CPA6: variants seen among roughly 807,000 people sequenced by gnomAD.
The protein encoded by CPA6 is carboxypeptidase B.
Under a neutral mutation model 63.3 loss-of-function variants are expected in CPA6, and 58 were observed. That is an observed-to-expected ratio of 0.92 (90% CI 0.74 to 1.14). The LOEUF (loss-of-function observed/expected upper bound fraction) is 1.14. CPA6 is among the 50% of genes most tolerant of loss of function. CPA6 has a pLI of 0.00. For synonymous variants in CPA6, 185 were observed against 179.0 expected, an observed-to-expected ratio of 1.03 and a Z score of -0.27; for missense variants, 565 against 526.6, an observed-to-expected ratio of 1.07 and a Z score of -0.71.
chr8:67,614,772 G>C (rs991838850), intron 2 of CPA6, among the ~76,000 whole-genome samples: 3 of 152,148 alleles, frequency 2.0e-5, no homozygotes, highest in Non-Finnish European at 4.4e-5. Context: ...CATGCCTCCA[G>C]GAAGATGGTG....
At chr8:67,678,716 C>T (rs879665290) in intron 1 of CPA6, among the ~76,000 whole-genome samples, 6 of 152,130 alleles carry the variant, frequency 3.9e-5, no homozygotes, top group South Asian at 2.1e-4. Flanking sequence ...GGTAACACCT[C>T]GTAGAGCTAC....
chr8:67,718,328 T>A (rs767134590), intron 1 of CPA6, among the ~76,000 whole-genome samples: 55 of 152,156 alleles, frequency 3.6e-4, no homozygotes, highest in Non-Finnish European at 6.3e-4. Context: ...TTAAGAAAAT[T>A]ATAGCCAGAG....
chr8:67,434,155 G>A lies in CPA6; in HGVS notation c.924C>T (p.Asn308=), dbSNP rs372446556. Residue 308 remains asparagine (N), a synonymous_variant, in exon 9 of 11, where the codon AAC becomes AAT. Coordinates refer to ENST00000297770, the MANE Select transcript of CPA6 (RefSeq NM_020361.5). ...ESEPEVKAVA[N]FLRKHRKHIR... ...TGTGCTTTCTGTGTTTTCGAAGGAA[G>A]TTAGCTACAGCCTTCACTTCCGGCT... 7.4e-6 allele frequency: 12 copies of A among 1,614,050 alleles called. No individual in the cohort carries two copies. The African/African-American group carries it at 1.1e-4, about 14-fold the overall frequency.
At chr8:67,640,841 T>A (rs1348912864) in intron 1 of CPA6, among the ~76,000 whole-genome samples, 1 of 151,442 alleles carries the variant, frequency 6.6e-6, no homozygotes, top group Non-Finnish European at 1.5e-5. Context: ...CTGGCCAACC[T>A]CAAACGAGTG....
chr8:67,426,665 G>A (rs983957381), intron 10 of CPA6, among the ~76,000 whole-genome samples: 12 of 152,166 alleles, frequency 7.9e-5, no homozygotes, highest in Non-Finnish European at 1.5e-4. Flanking sequence ...ATGATAGGTA[G>A]ATTAAAGAAG....
chr8:67,580,406 C>A (rs906448474), intron 2 of CPA6, among the ~76,000 whole-genome samples: 4 of 152,164 alleles, frequency 2.6e-5, no homozygotes, highest in Non-Finnish European at 4.4e-5. Context: ...TCAGTAACCT[C>A]ATGAAAAGAA....
chr8:67,544,935 T>G (rs1054918076), intron 2 of CPA6, among the ~76,000 whole-genome samples: 47 of 152,260 alleles, frequency 3.1e-4, no homozygotes, highest in South Asian at 8.3e-4. Context: ...TCCATTTTTT[T>G]GGGGGGCCAT....
At chr8:67,551,730 C>G (rs758098865) in intron 2 of CPA6, among the ~76,000 whole-genome samples, 2 of 152,240 alleles carry the variant, frequency 1.3e-5, no homozygotes, top group South Asian at 4.2e-4. Context: ...TTGCACAGAA[C>G]TTTCACCTCC....
intron 1 of CPA6, among the ~76,000 whole-genome samples, chr8:67,690,610 T>C (rs1013871164): frequency 6.6e-6 from 1 of 152,072 alleles, no homozygotes; most frequent in African/African-American, 2.4e-5. Flanking sequence ...TGAAAAGCAA[T>C]ATAAACAGCT....
intron 3 of CPA6, among the ~76,000 whole-genome samples, chr8:67,514,979 CCTT>C (rs1343689683): frequency 1.3e-5 from 2 of 152,152 alleles, no homozygotes. Context: ...CTGTAGATAT[CCTT>C]CTGGCAGGGC....
chr8:67,630,637 C>A (rs1815303274), intron 1 of CPA6, among the ~76,000 whole-genome samples: 1 of 152,346 alleles, frequency 6.6e-6, no homozygotes, highest in Non-Finnish European at 1.5e-5. Context: ...CTTGGGGAAC[C>A]CTTGAGCCCG....
At chr8:67,694,753 G>A (rs988970063) in intron 1 of CPA6, among the ~76,000 whole-genome samples, 3 of 152,222 alleles carry the variant, frequency 2.0e-5, no homozygotes, top group Non-Finnish European at 4.4e-5. Context: ...AAAGTGGACA[G>A]CTGCAGCGCT....
At chr8:67,553,787 A>G (rs925228905) in intron 2 of CPA6, among the ~76,000 whole-genome samples, 4 of 152,234 alleles carry the variant, frequency 2.6e-5, no homozygotes, top group African/African-American at 9.6e-5. Context: ...AATAAACAAC[A>G]TGAATGACTT....
chr8:67,491,568 T>C (rs1415703821), intron 6 of CPA6, among the ~76,000 whole-genome samples: 2 of 152,122 alleles, frequency 1.3e-5, no homozygotes, highest in African/African-American at 4.8e-5. Context: ...TAGATACATG[T>C]CTATTCTTTT....
chr8:67,588,911 G>T (rs1048474623), intron 2 of CPA6, among the ~76,000 whole-genome samples: 1 of 152,084 alleles, frequency 6.6e-6, no homozygotes, highest in Non-Finnish European at 1.5e-5. Flanking sequence ...GAGTCCAGGG[G>T]TTTGAGACCA....
At chr8:67,731,138 A>G (rs1437034326) in intron 1 of CPA6, among the ~76,000 whole-genome samples, 1 of 152,198 alleles carries the variant, frequency 6.6e-6, no homozygotes, top group African/African-American at 2.4e-5. Context: ...TTTCTTATTA[A>G]GATTCCTTTC....
At chr8:67,424,061 C>A (rs1809830645) in intron 10 of CPA6, among the ~76,000 whole-genome samples, 1 of 152,172 alleles carries the variant, frequency 6.6e-6, no homozygotes, top group Admixed American at 6.5e-5. Context: ...TCATGGACAG[C>A]ACATGCGAGG....
chr8:67,488,146 G>T (rs1378686512), intron 6 of CPA6, among the ~76,000 whole-genome samples: 1 of 151,934 alleles, frequency 6.6e-6, no homozygotes, highest in African/African-American at 2.4e-5. Flanking sequence ...GTCCTGAATG[G>T]TATTGCCTAG....
intron 2 of CPA6, among the ~76,000 whole-genome samples, chr8:67,550,101 T>C (rs1466383620): frequency 6.6e-6 from 1 of 152,230 alleles, no homozygotes; most frequent in Non-Finnish European, 1.5e-5. Flanking sequence ...CCTGGGTATA[T>C]GGTGTGATGT....
Sources: allele counts gnomAD v4.1 joint callset (sites outside exome capture counted in the v4.1 genomes callset), GRCh38; gene constraint gnomAD v4.1.1; transcripts MANE v1.5; gene names NCBI Gene and HGNC (gene_info 2026-07-23, HGNC 2026-07-21).